Variants in MITF observed in about 807,000 individuals in gnomAD.
MITF encodes melanocyte inducing transcription factor.
Under a neutral mutation model 60.5 loss-of-function variants are expected in MITF, and 17 were observed. That is an observed-to-expected ratio of 0.28 (90% CI 0.19 to 0.42). The LOEUF is 0.42. Among genes scored for constraint, MITF ranks in the 10% least tolerant of loss-of-function variants. The pLI is 1.00. For synonymous variants in MITF, 260 were observed against 248.5 expected (o/e 1.05, Z -0.43); for missense variants, 622 against 683.5 (o/e 0.91, Z 1.00).
In MITF at chr3:69,956,606, C is replaced by T. The variant is rs949551648; in HGVS notation, c.1031+76C>T. On this transcript the variant is annotated intron_variant, in intron 8 of 9. Transcript: ENST00000352241. ...GTTTTTTCATACGTTGTAAAAAATG[C>T]AGTTGTAAAAACTAAAGTAAAGAAG... The T allele has an allele frequency of 3.9e-6, 5 of 1,278,022 alleles. No homozygotes were observed. The African/African-American group carries it at 4.4e-5, about 11-fold the overall frequency. The allele number at this position is 1,278,022 out of a possible 1,614,324, so 79.2% of individuals were successfully genotyped here. A position where few individuals can be genotyped will look rare whatever the true frequency, so the allele number is the denominator to read the frequency against.
At chr3:69,820,145 T>A (rs574563165) in intron 1 of MITF, among the ~76,000 whole-genome samples, 2 of 152,320 alleles carry the variant, frequency 1.3e-5, no homozygotes, top group South Asian at 4.1e-4. Flanking sequence ...TGTTAACAAT[T>A]TTTAATATAG....
intron 1 of MITF, among the ~76,000 whole-genome samples, chr3:69,793,393 A>G (rs1334579265): frequency 1.4e-5 from 2 of 145,372 alleles, no homozygotes; most frequent in East Asian, 2.2e-4. Flanking sequence ...AGGATTTCTC[A>G]AGCTCGGCAT....
chr3:69,826,177 A>G (rs566863194), intron 1 of MITF, among the ~76,000 whole-genome samples: 1 of 152,312 alleles, frequency 6.6e-6, no homozygotes, highest in Non-Finnish European at 1.5e-5. Flanking sequence ...CCTGCACCCT[A>G]GATGCTTCCT....
intron 1 of MITF, among the ~76,000 whole-genome samples, chr3:69,779,790 A>G (rs1008927089): frequency 1.4e-4 from 21 of 152,208 alleles, no homozygotes; most frequent in African/African-American, 4.6e-4. Flanking sequence ...TGTATCTTTT[A>G]TCCAGTGTCA....
At chr3:69,956,099 G>A (rs985320137) in intron 7 of MITF, among the ~76,000 whole-genome samples, 5 of 152,194 alleles carry the variant, frequency 3.3e-5, no homozygotes, top group Admixed American at 6.5e-5. Flanking sequence ...TCTGCTCTAA[G>A]GGGTTAGGTT....
chr3:69,761,178 T>TA (rs1034509840), intron 1 of MITF, among the ~76,000 whole-genome samples: 1 of 152,010 alleles, frequency 6.6e-6, no homozygotes, highest in South Asian at 2.1e-4. Flanking sequence ...CCTATGTAAT[T>TA]AAAAAAAATT....
intron 1 of MITF, among the ~76,000 whole-genome samples, chr3:69,805,681 C>T (rs879690835): frequency 6.6e-6 from 1 of 151,746 alleles, no homozygotes; most frequent in African/African-American, 2.4e-5. Context: ...TTTTAAATGA[C>T]GAGGTCGTTC....
chr3:69,965,218 G>A lies in MITF; in HGVS notation c.1551G>A (p.Met517Ile), dbSNP rs1179860852. Residue 517 changes from methionine to isoleucine, a missense_variant, in exon 10 of 10, where the codon ATG becomes ATA. Physicochemically the swap from Met to Ile is conservative, Grantham distance 10 (BLOSUM62 1). This residue lies in a region of MITF where 224 missense variants were observed against 209.5 expected (regional missense o/e 1.07). Coordinates refer to ENST00000352241, the MANE Select transcript of MITF (RefSeq NM_001354604.2). ...AAACAAGCAGCCGGAGGAGCAGTAT[G>A]AGCATGGAAGAGACGGAGCACACTT... ...ASKTSSRRSS[M>I]SMEETEHTC 4 of 1,613,814 alleles carry A rather than the reference G, an allele frequency of 2.5e-6. No individual in the cohort carries two copies. Among genetic ancestry groups the A allele is most frequent in the Non-Finnish European group, 3.4e-6 (4 of 1,179,856 alleles).
intron 1 of MITF, among the ~76,000 whole-genome samples, chr3:69,878,924 T>C (rs1344436765): frequency 2.0e-5 from 3 of 152,114 alleles, no homozygotes; most frequent in African/African-American, 7.2e-5. Flanking sequence ...AATGCCTTGA[T>C]GCAATCAAGC....
chr3:69,936,662 A>C, intron 2 of MITF: 9 of 1,609,440 alleles, frequency 5.6e-6, no homozygotes, highest in Non-Finnish European at 7.6e-6. Flanking sequence ...GGAATTATAG[A>C]AAGTAGAGGG....
At chr3:69,797,178 A>T (rs370920390) in intron 1 of MITF, among the ~76,000 whole-genome samples, 1 of 152,192 alleles carries the variant, frequency 6.6e-6, no homozygotes, top group African/African-American at 2.4e-5. Flanking sequence ...GGAAAATTGT[A>T]TTACACCTAT....
At chr3:69,903,789 T>C (rs1201986065) in intron 2 of MITF, among the ~76,000 whole-genome samples, 3 of 152,010 alleles carry the variant, frequency 2.0e-5, no homozygotes, top group Non-Finnish European at 2.9e-5. Context: ...GCATGGTGGG[T>C]GTTTGGGCAG....
intron 1 of MITF, among the ~76,000 whole-genome samples, chr3:69,798,646 C>T (rs2062868818): frequency 6.6e-6 from 1 of 152,236 alleles, no homozygotes; most frequent in South Asian, 2.1e-4. Context: ...TCTAACCCTT[C>T]CCCCTCTGTT....
chr3:69,868,562 C>T (rs1430050160), intron 1 of MITF, among the ~76,000 whole-genome samples: 1 of 152,064 alleles, frequency 6.6e-6, no homozygotes, highest in Non-Finnish European at 1.5e-5. Context: ...CCACGGTTTT[C>T]GTCTACCAGG....
At chr3:69,743,500 A>G (rs1029335333) in intron 1 of MITF, among the ~76,000 whole-genome samples, 4 of 152,208 alleles carry the variant, frequency 2.6e-5, no homozygotes, top group Non-Finnish European at 5.9e-5. Flanking sequence ...GACATGTTTC[A>G]TTTCTAACCC....
intron 1 of MITF, among the ~76,000 whole-genome samples, chr3:69,821,820 C>T (rs1042004818): frequency 1.3e-5 from 2 of 152,128 alleles, no homozygotes; most frequent in East Asian, 1.9e-4. Context: ...GACGTGATCT[C>T]GGCTCACTGC....
intron 1 of MITF, among the ~76,000 whole-genome samples, chr3:69,869,478 A>G (rs1367372): frequency 6.6e-6 from 1 of 152,188 alleles, no homozygotes; most frequent in Non-Finnish European, 1.5e-5. Context: ...TGAATACTAA[A>G]ACATTCAAGA....
Position 69,965,272 on chromosome 3 carries a change from G to C in MITF, c.*24G>C, listed in dbSNP as rs375847754. Reference sequence around the variant, plus strand: ...AGCGAATCCTCCCTGCACTGCATTCGCACAAACTGCTTCCTTTCTTGATTC... The same window carrying C: ...AGCGAATCCTCCCTGCACTGCATTCCCACAAACTGCTTCCTTTCTTGATTC... On this transcript the variant is annotated 3_prime_UTR_variant, in exon 10 of 10. Coordinates refer to ENST00000352241, the MANE Select transcript of MITF (RefSeq NM_001354604.2). The C allele has an allele frequency of 4.4e-6, 7 of 1,605,874 alleles. No homozygotes were observed. The Admixed American group carries it at 8.3e-5, about 19-fold the overall frequency.
chr3:69,874,024 T>C (rs2064296672), intron 1 of MITF, among the ~76,000 whole-genome samples: 1 of 152,218 alleles, frequency 6.6e-6, no homozygotes, highest in Admixed American at 6.5e-5. Context: ...CATAGGTTTC[T>C]CCTTTGCCCA....
Sources: allele counts gnomAD v4.1 joint callset (sites outside exome capture counted in the v4.1 genomes callset), GRCh38; gene constraint gnomAD v4.1.1; regional missense constraint gnomAD v4.1.1; transcripts MANE v1.5; gene names NCBI Gene and HGNC (gene_info 2026-07-23, HGNC 2026-07-21).